FTO: variants seen among roughly 807,000 people sequenced by gnomAD.
FTO encodes FTO alpha-ketoglutarate dependent dioxygenase.
FTO carries 47 observed loss-of-function variants against 63.9 expected under a neutral mutation model. That is an observed-to-expected ratio of 0.74 (90% CI 0.58 to 0.94). The LOEUF is 0.94. FTO is among the 40% of genes least tolerant of loss of function. The pLI, the probability that FTO is intolerant of heterozygous loss-of-function variation, is 0.00. For missense variants in FTO, 562 were observed against 618.1 expected, an observed-to-expected ratio of 0.91 and a Z score of 0.96; for synonymous variants, 207 against 224.4, an observed-to-expected ratio of 0.92 and a Z score of 0.69.
chr16:53,755,722 G>C (rs903352409), intron 1 of FTO, among the ~76,000 whole-genome samples: 1 of 152,184 alleles, frequency 6.6e-6, no homozygotes, highest in Non-Finnish European at 1.5e-5. Context: ...ATGTGACTGA[G>C]AGAAGGTGTA....
chr16:54,109,080 G>A (rs1265388833), intron 8 of FTO, among the ~76,000 whole-genome samples: 1 of 152,138 alleles, frequency 6.6e-6, no homozygotes, highest in East Asian at 1.9e-4. Context: ...CCTTTTTCAT[G>A]GGTGACTACA....
At chr16:53,859,162 G>A (rs189347247) in intron 4 of FTO, among the ~76,000 whole-genome samples, 1 of 152,110 alleles carries the variant, frequency 6.6e-6, no homozygotes, top group African/African-American at 2.4e-5. Context: ...CTTTGTATGT[G>A]CAGAGCCCAT....
At chr16:53,819,230 C>T (rs2078780961) in intron 2 of FTO, among the ~76,000 whole-genome samples, 1 of 151,946 alleles carries the variant, frequency 6.6e-6, no homozygotes, top group Admixed American at 6.6e-5. Flanking sequence ...ACTCTGTGGC[C>T]CAGGCTTAGG....
rs1377867568 is a variant in FTO, at chr16:53,843,510, C to T, written c.752-645C>T. 2.6e-5 allele frequency among the ~76,000 whole-genome samples: 4 copies of T among 152,068 alleles called. No homozygotes were observed. In the East Asian group the frequency reaches 7.7e-4, roughly 29 times the overall value. On this transcript the variant is annotated intron_variant, in intron 3 of 8. Transcript: ENST00000471389. ...GTTTTATTTCCTTTTATGTATTGTGCCTTTATAACATGCTCAGTTTTAAAT... is the reference window on the plus strand; with the variant it reads ...GTTTTATTTCCTTTTATGTATTGTGTCTTTATAACATGCTCAGTTTTAAAT...
In FTO at chr16:54,022,911, G is replaced by T. The variant is rs140957759; in HGVS notation, c.1364+88802G>T. Among the ~76,000 whole-genome samples the T allele has an allele frequency of 7.2e-3, 1,103 of 152,326 alleles. 14 individuals are homozygous for T. Among genetic ancestry groups the T allele is most frequent in the African/African-American group, 0.025 (1,058 of 41,576 alleles). ...TTAATTCACTTGGTAACTTTCCGCT[G>T]TATACACGGGAGCTAACAGATGTAG... is the stretch of plus-strand genomic sequence containing the variant. On this transcript the variant is annotated intron_variant, in intron 8 of 8. Transcript: ENST00000471389.
chr16:54,114,697 G>A lies in FTO; in HGVS notation c.*2782G>A, dbSNP rs2086959318. ...GAGGCAGCAGATCACTGGAGGTCAG[G>A]AGTTCGAGACCAGCCTGGCCAACAC... is the stretch of plus-strand genomic sequence containing the variant. On this transcript the variant is annotated 3_prime_UTR_variant, in exon 9 of 9. Coordinates refer to ENST00000471389, the MANE Select transcript of FTO (RefSeq NM_001080432.3). 1 of 152,232 alleles carries A rather than the reference G, an allele frequency of 6.6e-6. No homozygotes were observed. The highest frequency in any genetic ancestry group is 2.4e-5 in the African/African-American group (1 of 41,444). The allele number at this position is 152,232 out of a possible 1,614,324, so 9.4% of individuals were successfully genotyped here.
intron 8 of FTO, among the ~76,000 whole-genome samples, chr16:54,007,687 A>G (rs2084242619): frequency 1.3e-5 from 2 of 152,346 alleles, no homozygotes; most frequent in East Asian, 1.9e-4. Flanking sequence ...TGGTAGGGAC[A>G]GTGGCAGACA....
At chr16:54,048,488 C>CA (rs2144315599) in intron 8 of FTO, among the ~76,000 whole-genome samples, 1 of 152,030 alleles carries the variant, frequency 6.6e-6, no homozygotes, top group South Asian at 2.1e-4. Flanking sequence ...ATTAATTGAG[C>CA]AAAAAAAGTG....
At chr16:53,826,625 GTGTGTAT>G in intron 3 of FTO, 134 bp downstream of exon 3, 4 of 810,796 alleles carry the variant, frequency 4.9e-6, no homozygotes, top group South Asian at 1.5e-5. Context: ...ACATGCGTGT[GTGTGTAT>G]CATGTGTCCT....
At chr16:54,031,998 G>A (rs1404314931) in intron 8 of FTO, among the ~76,000 whole-genome samples, 1 of 152,182 alleles carries the variant, frequency 6.6e-6, no homozygotes, top group East Asian at 1.9e-4. Context: ...GAAAATTCAG[G>A]AAACTTAGAC....
At chr16:53,964,863 A>G (rs1031884187) in intron 8 of FTO, among the ~76,000 whole-genome samples, 1 of 152,232 alleles carries the variant, frequency 6.6e-6, no homozygotes, top group African/African-American at 2.4e-5. Flanking sequence ...TGAAGATTTC[A>G]TTTTATGGAT....
intron 7 of FTO, among the ~76,000 whole-genome samples, chr16:53,914,679 G>A (rs920533528): frequency 2.0e-5 from 3 of 152,230 alleles, no homozygotes; most frequent in South Asian, 2.1e-4. Context: ...GTGGAAGGAC[G>A]GCCATGGCGA....
At chr16:53,902,295 C>CT (rs2081422857) in intron 7 of FTO, among the ~76,000 whole-genome samples, 1 of 152,128 alleles carries the variant, frequency 6.6e-6, no homozygotes, top group Admixed American at 6.6e-5. Context: ...TGGAAGGGAC[C>CT]TGAGAGGTGA....
chr16:54,006,386 G>T (rs2144037773), intron 8 of FTO, among the ~76,000 whole-genome samples: 1 of 152,174 alleles, frequency 6.6e-6, no homozygotes, highest in East Asian at 1.9e-4. Context: ...TTCCTTTTCG[G>T]ATGGTAGTTC....
intron 1 of FTO, among the ~76,000 whole-genome samples, chr16:53,731,867 C>T (rs1339473431): frequency 6.6e-6 from 1 of 151,710 alleles, no homozygotes; most frequent in East Asian, 1.9e-4. Flanking sequence ...CCTGCCTCAG[C>T]CTCCCGAGTA....
chr16:53,738,999 AT>A (rs1288585596), intron 1 of FTO, among the ~76,000 whole-genome samples: 6 of 151,794 alleles, frequency 4.0e-5, no homozygotes, highest in Non-Finnish European at 1.5e-5. Context: ...CTTTTAAAAA[AT>A]TTTTTGTAGA....
rs1429936682 is a variant in FTO, at chr16:54,117,518, A to T, written c.*5603A>T. On this transcript the variant is annotated 3_prime_UTR_variant, in exon 9 of 9. Coordinates refer to ENST00000471389, the MANE Select transcript of FTO (RefSeq NM_001080432.3). ...AATCACGCCACGCATGTACATTATT[A>T]TGATGAAAAATATGATCCGTGATAT... 2 of 152,232 alleles carry T rather than the reference A, an allele frequency of 1.3e-5. No homozygotes were observed. Among genetic ancestry groups the T allele is most frequent in the Admixed American group, 1.3e-4 (2 of 15,284 alleles). 9.4% of individuals were successfully genotyped at this position (152,232 alleles called of 1,614,324 possible).
chr16:53,954,870 G>A (rs997057898), intron 8 of FTO, among the ~76,000 whole-genome samples: 1 of 151,896 alleles, frequency 6.6e-6, no homozygotes, highest in Non-Finnish European at 1.5e-5. Flanking sequence ...CCAAGCAGAA[G>A]CAAGAGTGAG....
intron 1 of FTO, among the ~76,000 whole-genome samples, chr16:53,760,144 A>T (rs1397054736): frequency 6.6e-6 from 1 of 150,732 alleles, no homozygotes; most frequent in African/African-American, 2.4e-5. Context: ...ATGGGAGCTC[A>T]CTTCTTATTG....
Sources: allele counts gnomAD v4.1 joint callset (sites outside exome capture counted in the v4.1 genomes callset), GRCh38; gene constraint gnomAD v4.1.1; transcripts MANE v1.5; gene names NCBI Gene and HGNC (gene_info 2026-07-23, HGNC 2026-07-21).